The following PGS1 variants were observed in gnomAD, a reference collection of about 807,000 sequenced individuals.
PGS1 encodes CDP-diacylglycerol--glycerol-3-phosphate 3-phosphatidyltransferase, mitochondrial.
PGS1 carries 44 observed loss-of-function variants against 58.3 expected under a neutral mutation model. That is an observed-to-expected ratio of 0.75 (90% CI 0.59 to 0.97). The LOEUF is 0.97. PGS1 is among the 50% of genes least tolerant of loss of function. The pLI, the probability that PGS1 is intolerant of heterozygous loss-of-function variation, is 0.00. For missense variants in PGS1, 684 were observed against 731.1 expected, an observed-to-expected ratio of 0.94 and a Z score of 0.74; for synonymous variants, 330 against 311.0, an observed-to-expected ratio of 1.06 and a Z score of -0.64.
In PGS1 at chr17:78,413,831, CTG is replaced by C. The variant is rs527343392; in HGVS notation, c.1403-1045_1403-1044del. 2.4e-4 allele frequency among the ~76,000 whole-genome samples: 36 copies of C among 152,342 alleles called. No individual in the cohort carries two copies. In the East Asian group the frequency reaches 6.4e-3, roughly 27 times the overall value. ...GGAAGTTGTGGAACGGGGCGCAAAACTGTGCTTGTCATCTCAGGTAACACGTC... is the reference window on the plus strand; with the variant it reads ...GGAAGTTGTGGAACGGGGCGCAAAACTGCTTGTCATCTCAGGTAACACGTC... On this transcript the variant is annotated intron_variant, in intron 7 of 9. Coordinates refer to ENST00000262764, the MANE Select transcript of PGS1 (RefSeq NM_024419.5).
Position 78,392,553 on chromosome 17 carries a change from C to G in PGS1, c.221C>G (p.Pro74Arg). 2 of 1,614,140 alleles carry G rather than the reference C, an allele frequency of 1.2e-6. No individual in the cohort carries two copies. The highest frequency in any genetic ancestry group is 1.7e-6 in the Non-Finnish European group (2 of 1,179,970). Residue 74 changes from proline (P) to arginine (R), a missense_variant, in exon 2 of 10, where the codon CCA becomes CGA. Pro to Arg is a moderately radical substitution (Grantham distance 103). Transcript: ENST00000262764. ...ACCTCCCCACCTTGCTGCCTGTGTC[C>G]AGAAGGCGTGCACCGGTTCCAGTGG... ...QVTSPPCCLC[P>R]EGVHRFQWIR...
At chr17:78,423,481 T>C (rs1192883030) in intron 9 of PGS1, among the ~76,000 whole-genome samples, 1 of 152,102 alleles carries the variant, frequency 6.6e-6, no homozygotes, top group African/African-American at 2.4e-5. Context: ...TGGCAGGTGG[T>C]TTGCATGAAG....
chr17:78,423,928 A>G (rs1324504739), intron 9 of PGS1, 133 bp from the exon 10 acceptor site: 2 of 1,613,988 alleles, frequency 1.2e-6, no homozygotes, highest in Admixed American at 1.7e-5. Context: ...GAGCAGCGCC[A>G]CGGCTGCCAG....
intron 7 of PGS1, among the ~76,000 whole-genome samples, chr17:78,412,440 G>A (rs1225434252): frequency 1.3e-5 from 2 of 152,134 alleles, no homozygotes; most frequent in Non-Finnish European, 2.9e-5. Context: ...CTACAGATAC[G>A]TATACAGTCT....
At chr17:78,399,904 C>G in intron 5 of PGS1, 1 of 289,934 alleles carries the variant, frequency 3.4e-6, no homozygotes. Flanking sequence ...AGAGTCAGAC[C>G]TGGAAGTCCA....
chr17:78,384,584 G>A (rs964651647), intron 1 of PGS1, among the ~76,000 whole-genome samples: 6 of 152,194 alleles, frequency 3.9e-5, no homozygotes, highest in African/African-American at 1.4e-4. Flanking sequence ...AGTCTGTACC[G>A]TGAATGTACC....
At chr17:78,404,963 A>T (rs1251194024) in intron 7 of PGS1, among the ~76,000 whole-genome samples, 1 of 150,668 alleles carries the variant, frequency 6.6e-6, no homozygotes, top group Non-Finnish European at 1.5e-5. Context: ...CCCGGCCCTT[A>T]GCCTTGTGTT....
rs1484634148 is a variant in PGS1 at position 78,412,687 on chromosome 17, G to A, written c.1403-2192G>A. On this transcript the variant is annotated intron_variant, in intron 7 of 9. Transcript: ENST00000262764. ...GGGGTGGACACCGAGTCATGGTGGC[G>A]TGACACAGAGCAGCCTGACCCTCGT... Among the ~76,000 whole-genome samples, 6 of 152,204 alleles carry A rather than the reference G, an allele frequency of 3.9e-5. No individual in the cohort carries two copies. In the South Asian group the frequency reaches 6.2e-4, roughly 16 times the overall value.
At chr17:78,419,183 A>T (rs1193666506) in intron 8 of PGS1, among the ~76,000 whole-genome samples, 2 of 151,834 alleles carry the variant, frequency 1.3e-5, no homozygotes, top group Non-Finnish European at 2.9e-5. Flanking sequence ...AATTTTTAGA[A>T]TTTTTTCATA....
At chr17:78,418,727 G>C (rs1347620267) in intron 8 of PGS1, among the ~76,000 whole-genome samples, 1 of 152,134 alleles carries the variant, frequency 6.6e-6, no homozygotes, top group African/African-American at 2.4e-5. Context: ...CTTGATACCT[G>C]TTGCCAGAGC....
intron 9 of PGS1, chr17:78,423,786 A>ATTATTTAAGAGAACGAAAAACC: frequency 7.5e-7 from 1 of 1,331,790 alleles, no homozygotes; most frequent in Non-Finnish European, 1.0e-6. Context: ...AAAGCACCTG[A>ATTATTTAAGAGAACGAAAAACC]TTATTTAAGA....
chr17:78,401,636 C>T (rs2083672015), intron 6 of PGS1, among the ~76,000 whole-genome samples: 1 of 152,164 alleles, frequency 6.6e-6, no homozygotes, highest in African/African-American at 2.4e-5. Flanking sequence ...AGAATGGAAG[C>T]ATTTCAGTGG....
At chr17:78,391,730 G>C (rs956107517) in intron 1 of PGS1, among the ~76,000 whole-genome samples, 5 of 152,002 alleles carry the variant, frequency 3.3e-5, no homozygotes, top group African/African-American at 1.2e-4. Flanking sequence ...TACCTGCCTC[G>C]GCCTCCCAAA....
intron 6 of PGS1, among the ~76,000 whole-genome samples, chr17:78,402,278 C>T (rs1286255268): frequency 3.3e-5 from 5 of 152,336 alleles, no homozygotes; most frequent in African/African-American, 9.6e-5. Flanking sequence ...TTCCCTGTTT[C>T]ACTTCCCTGA....
intron 3 of PGS1, among the ~76,000 whole-genome samples, chr17:78,396,636 C>T (rs1260219451): frequency 7.2e-5 from 11 of 152,248 alleles, no homozygotes; most frequent in Non-Finnish European, 2.9e-5. Context: ...CAGTGTCCTC[C>T]TACCCACACA....
intron 6 of PGS1, among the ~76,000 whole-genome samples, chr17:78,401,972 C>G (rs569764416): frequency 6.6e-6 from 1 of 152,294 alleles, no homozygotes; most frequent in South Asian, 2.1e-4. Context: ...AGAGCCAGCA[C>G]GCTCCGAGCA....
intron 7 of PGS1, among the ~76,000 whole-genome samples, chr17:78,414,423 G>T (rs946302940): frequency 6.6e-6 from 1 of 152,230 alleles, no homozygotes; most frequent in African/African-American, 2.4e-5. Flanking sequence ...GGGATGGCCA[G>T]TGCAGGCTCT....
chr17:78,393,233 TG>T (rs1275799532), intron 2 of PGS1, among the ~76,000 whole-genome samples: 1 of 152,108 alleles, frequency 6.6e-6, no homozygotes, highest in African/African-American at 2.4e-5. Context: ...GCTAATTTTT[TG>T]TATTTTTAGT....
chr17:78,384,655 C>T (rs531725446), intron 1 of PGS1, among the ~76,000 whole-genome samples: 4 of 152,276 alleles, frequency 2.6e-5, no homozygotes, highest in East Asian at 3.9e-4. Context: ...ACTGAATTAC[C>T]GACCTGTGTT....
Sources: gnomAD v4.1 joint callset for allele counts (sites outside exome capture counted in the v4.1 genomes callset) on GRCh38, gnomAD v4.1.1 for gene constraint, MANE v1.5 for transcripts, NCBI Gene and HGNC (gene_info 2026-07-23, HGNC 2026-07-21) for gene names.